The following B4GALT6 variants were observed in gnomAD, a reference collection of about 807,000 sequenced individuals.
B4GALT6 encodes UDP-Gal:beta-GlcNAc beta-1,4-galactosyltransferase 6.
In B4GALT6, 14 loss-of-function variants were observed where a neutral mutation model predicts 46.3. That is an observed-to-expected ratio of 0.30 (90% CI 0.20 to 0.47). B4GALT6 has a LOEUF of 0.47. Ranked by LOEUF, B4GALT6 falls within the 20% of genes least tolerant of loss-of-function variation. The pLI is 0.99. For missense variants in B4GALT6, 386 were observed against 480.1 expected, an observed-to-expected ratio of 0.80 and a Z score of 1.83; for synonymous variants, 168 against 162.0, an observed-to-expected ratio of 1.04 and a Z score of -0.28.
intron 1 of B4GALT6, among the ~76,000 whole-genome samples, chr18:31,667,524 T>C (rs556348689): frequency 3.9e-5 from 6 of 152,364 alleles, no homozygotes; most frequent in African/African-American, 1.4e-4. Context: ...TAATGTTTAC[T>C]ACCTTCTTTC....
chr18:31,696,599 T>G, the B4GALT6 span, among the ~76,000 whole-genome samples: 2 of 152,258 alleles, frequency 1.3e-5, no homozygotes, highest in Non-Finnish European at 2.9e-5. Context: ...TTAGCTTCTC[T>G]CCAAATAGTC....
At chr18:31,683,315 A>G (rs1265459944) in intron 1 of B4GALT6, among the ~76,000 whole-genome samples, 2 of 152,212 alleles carry the variant, frequency 1.3e-5, no homozygotes, top group African/African-American at 4.8e-5. Flanking sequence ...TTTTTAGCTA[A>G]CTCGGAACAA....
At position 31,622,817 on chromosome 18, in the gene B4GALT6, T is replaced by C. The variant is rs1214717740; in HGVS notation, c.*2797A>G. 6.6e-5 allele frequency: 10 copies of C among 152,088 alleles called. No individual in the cohort carries two copies. The highest frequency in any genetic ancestry group is 2.4e-4 in the African/African-American group (10 of 41,442). 9.4% of individuals were successfully genotyped at this position (152,088 alleles called of 1,614,324 possible). ...TTAACTATCTCCACTGTGAATTATATATAGTTCCAGCAAATGTGTACTCTT... is the reference window on the plus strand; with the variant it reads ...TTAACTATCTCCACTGTGAATTATACATAGTTCCAGCAAATGTGTACTCTT... On this transcript the variant is annotated 3_prime_UTR_variant, in exon 9 of 9. Transcript: ENST00000306851.
intron 4 of B4GALT6, among the ~76,000 whole-genome samples, chr18:31,644,521 C>G (rs1363735000): frequency 2.3e-4 from 35 of 152,054 alleles, no homozygotes; most frequent in Admixed American, 2.3e-3. Flanking sequence ...GTTTCCAGAT[C>G]AAGGTTATAT....
rs909144418 is a variant in B4GALT6, at chr18:31,630,906, C to T, written c.776+53G>A. Reference sequence around the variant, plus strand: ...ACATAACGCTGCTACCATTTCAATGCTATGACTGTGCAATTATATCGTACA... The same window carrying T: ...ACATAACGCTGCTACCATTTCAATGTTATGACTGTGCAATTATATCGTACA... On this transcript the variant is annotated intron_variant, in intron 6 of 8. Transcript: ENST00000306851. 4.5e-5 allele frequency: 71 copies of T among 1,581,984 alleles called. No individual in the cohort carries two copies. In the South Asian group the frequency reaches 6.4e-4, roughly 14 times the overall value.
chr18:31,664,683 A>G (rs1316225254), intron 2 of B4GALT6, among the ~76,000 whole-genome samples: 2 of 152,154 alleles, frequency 1.3e-5, no homozygotes, highest in Non-Finnish European at 2.9e-5. Flanking sequence ...ACTCACACAA[A>G]TACACCAATT....
chr18:31,632,369 T>C (rs1181131729), intron 5 of B4GALT6, among the ~76,000 whole-genome samples: 1 of 152,212 alleles, frequency 6.6e-6, no homozygotes. Context: ...AAACTACTTT[T>C]AAGGTTTTAA....
chr18:31,705,033 A>G, the B4GALT6 span, among the ~76,000 whole-genome samples: 1 of 152,244 alleles, frequency 6.6e-6, no homozygotes, highest in African/African-American at 2.4e-5. Context: ...GGCAAACAAG[A>G]CAAATAAGAC....
chr18:31,715,083 T>C, the B4GALT6 span, among the ~76,000 whole-genome samples: 5 of 152,224 alleles, frequency 3.3e-5, no homozygotes, highest in African/African-American at 4.8e-5. Context: ...TTTATAAAGA[T>C]ACTTTCTTGC....
At position 31,624,968 on chromosome 18, in the gene B4GALT6, G is replaced by T. The variant is rs1170865700; in HGVS notation, c.*646C>A. On this transcript the variant is annotated 3_prime_UTR_variant, in exon 9 of 9. Coordinates refer to ENST00000306851, the MANE Select transcript of B4GALT6 (RefSeq NM_004775.5). ...ATAGGTAATCCCGGTAGGAAGAAAA[G>T]CTATTTAAGTCCTTCCTTCTTTTCC... 1 of 152,636 alleles carries T rather than the reference G, an allele frequency of 6.6e-6. No individual in the cohort carries two copies. The highest frequency in any genetic ancestry group is 1.5e-5 in the Non-Finnish European group (1 of 68,016). The allele number at this position is 152,636 out of a possible 1,614,324, so 9.5% of individuals were successfully genotyped here.
At chr18:31,717,890 G>T in the B4GALT6 span, among the ~76,000 whole-genome samples, 4 of 149,542 alleles carry the variant, frequency 2.7e-5, no homozygotes, top group Non-Finnish European at 4.4e-5. Flanking sequence ...GGAGGCGGAG[G>T]TTGTGGTGAG....
the B4GALT6 span, chr18:31,724,335 G>C: frequency 1.4e-6 from 1 of 704,842 alleles, no homozygotes; most frequent in Non-Finnish European, 2.0e-6. Context: ...TAGTCCAGGC[G>C]GCTTAGCCTC....
the B4GALT6 span, among the ~76,000 whole-genome samples, chr18:31,701,672 G>A: frequency 6.6e-6 from 1 of 152,090 alleles, no homozygotes; most frequent in South Asian, 2.1e-4. Flanking sequence ...TAAAATACTA[G>A]GAGAAAGTGT....
At chr18:31,679,449 C>G (rs12327203) in intron 1 of B4GALT6, among the ~76,000 whole-genome samples, 68,608 of 152,058 alleles carry the variant, frequency 0.45, 18,088 homozygotes, top group South Asian at 0.65. Context: ...GACCCAATGA[C>G]TCTTGTAACA....
At chr18:31,686,926 GC>G (rs1305956029), upstream of B4GALT6, 1 of 152,158 alleles carries the variant, frequency 6.6e-6, no homozygotes, top group Non-Finnish European at 1.5e-5. Flanking sequence ...TTCTTCTCAG[GC>G]AAGGTTGGCT....
chr18:31,678,958 G>C (rs2074448616), intron 1 of B4GALT6, among the ~76,000 whole-genome samples: 1 of 152,220 alleles, frequency 6.6e-6, no homozygotes, highest in African/African-American at 2.4e-5. Flanking sequence ...CCACAGGACG[G>C]GTTAGGAAAT....
chr18:31,699,439 A>G, the B4GALT6 span, among the ~76,000 whole-genome samples: 5 of 151,696 alleles, frequency 3.3e-5, no homozygotes, highest in Admixed American at 1.3e-4. Context: ...CGCCTGGCTA[A>G]TTTTTTGTAT....
chr18:31,643,788 CT>C (rs1421960562), intron 4 of B4GALT6, among the ~76,000 whole-genome samples: 2 of 152,118 alleles, frequency 1.3e-5, no homozygotes, highest in African/African-American at 2.4e-5. Context: ...GAGAAAAATA[CT>C]TCATTTTTCC....
chr18:31,717,597 T>C, the B4GALT6 span, among the ~76,000 whole-genome samples: 1 of 151,676 alleles, frequency 6.6e-6, no homozygotes, highest in African/African-American at 2.4e-5. Flanking sequence ...CATAGAAAGA[T>C]GCCTATATTA....
Sources: gnomAD v4.1 joint callset for allele counts (sites outside exome capture counted in the v4.1 genomes callset) on GRCh38, gnomAD v4.1.1 for gene constraint, MANE v1.5 for transcripts, NCBI Gene and HGNC (gene_info 2026-07-23, HGNC 2026-07-21) for gene names.